The following ZNF804B variants were observed in gnomAD, a reference collection of about 807,000 sequenced individuals.
ZNF804B encodes the protein zinc finger 804B.
Under a neutral mutation model 101.4 loss-of-function variants are expected in ZNF804B, and 80 were observed. That is an observed-to-expected ratio of 0.79 (90% CI 0.66 to 0.95). ZNF804B has a LOEUF of 0.95. ZNF804B is among the 40% of genes least tolerant of loss of function. The probability of loss-of-function intolerance (pLI) is 0.00; values close to 1 mark genes in which losing one functional copy is unlikely to be tolerated. For synonymous variants in ZNF804B, 622 were observed against 558.8 expected, an observed-to-expected ratio of 1.11 and a Z score of -1.59; for missense variants, 1,673 against 1,561.9, an observed-to-expected ratio of 1.07 and a Z score of -1.20.
Position 89,218,196 on chromosome 7 carries a change from T to G in ZNF804B, c.150T>G (p.Asp50Glu). ...EKKSTAKALE[D>E]VKANFYCELC... is the part of the protein sequence containing the mutation. ...AGTCCACAGCAAAGGCCCTGGAAGA[T>G]GTAAAGGCAAACTTTTACTGTGAAT... Residue 50 changes from aspartate (D) to glutamate (E), a missense_variant, in exon 2 of 4, where the codon GAT becomes GAG. Asp to Glu is a conservative substitution (Grantham distance 45). Transcript: ENST00000333190. 6.2e-7 allele frequency: 1 copy of G among 1,613,856 alleles called. No individual in the cohort carries two copies. The highest frequency in any genetic ancestry group is 8.5e-7 in the Non-Finnish European group (1 of 1,179,838).
At chr7:89,296,350 C>T (rs1790384072) in intron 2 of ZNF804B, among the ~76,000 whole-genome samples, 1 of 151,802 alleles carries the variant, frequency 6.6e-6, no homozygotes, top group Non-Finnish European at 1.5e-5. Context: ...TCTTTATTTT[C>T]ATATAATTTT....
chr7:88,967,611 T>TA (rs1233868946), intron 1 of ZNF804B, among the ~76,000 whole-genome samples: 2 of 63,090 alleles, frequency 3.2e-5, no homozygotes, highest in Non-Finnish European at 7.4e-5. Context: ...AGAACAATAG[T>TA]AAAACACCGT....
At chr7:89,025,513 A>T (rs546036647) in intron 1 of ZNF804B, among the ~76,000 whole-genome samples, 4 of 152,268 alleles carry the variant, frequency 2.6e-5, no homozygotes, top group Admixed American at 2.0e-4. Context: ...GTTATTTAGA[A>T]CAAACTTCCT....
At chr7:89,044,722 T>C (rs1789075264) in intron 1 of ZNF804B, among the ~76,000 whole-genome samples, 2 of 152,186 alleles carry the variant, frequency 1.3e-5, no homozygotes, top group Admixed American at 6.5e-5. Context: ...TGAGGAACTT[T>C]GAACTTCAGT....
intron 2 of ZNF804B, among the ~76,000 whole-genome samples, chr7:89,232,187 T>C (rs34867321): frequency 0.12 from 18,585 of 152,144 alleles, 1,223 homozygotes; most frequent in Middle Eastern, 0.25. Context: ...CTGAGATGAA[T>C]GCGTGGTGCT....
intron 2 of ZNF804B, among the ~76,000 whole-genome samples, chr7:89,245,457 T>G (rs1416311636): frequency 1.3e-5 from 2 of 152,154 alleles, no homozygotes; most frequent in Non-Finnish European, 2.9e-5. Context: ...TATAGCCGTT[T>G]AAATAGCAGA....
chr7:89,179,031 T>C (rs1788250622), intron 1 of ZNF804B, among the ~76,000 whole-genome samples: 1 of 152,174 alleles, frequency 6.6e-6, no homozygotes, highest in Admixed American at 6.5e-5. Context: ...AAGTCTGTTG[T>C]CAGATATTTT....
At chr7:89,131,761 A>T (rs1790550644) in intron 1 of ZNF804B, among the ~76,000 whole-genome samples, 1 of 152,024 alleles carries the variant, frequency 6.6e-6, no homozygotes, top group African/African-American at 2.4e-5. Flanking sequence ...GTGGTCAGAC[A>T]TTAGAAAACT....
intron 1 of ZNF804B, among the ~76,000 whole-genome samples, chr7:88,911,322 T>A (rs1792547648): frequency 6.6e-6 from 1 of 151,612 alleles, no homozygotes; most frequent in Non-Finnish European, 1.5e-5. Context: ...GTTTCTTACA[T>A]CTCTTGCCTC....
intron 1 of ZNF804B, among the ~76,000 whole-genome samples, chr7:88,898,285 A>G (rs1216162086): frequency 6.6e-6 from 1 of 151,306 alleles, no homozygotes; most frequent in Non-Finnish European, 1.5e-5. Context: ...ACGGGGTTTC[A>G]CCCTGTTCGC....
intron 1 of ZNF804B, among the ~76,000 whole-genome samples, chr7:88,963,802 C>T (rs1180045453): frequency 6.6e-6 from 1 of 151,140 alleles, no homozygotes; most frequent in African/African-American, 2.4e-5. Context: ...AACAATATAT[C>T]AAGGACTTCT....
intron 1 of ZNF804B, among the ~76,000 whole-genome samples, chr7:88,854,418 T>TCTTTCTTTCTTCCTTCCTTTCTTTCTTC (rs1554340159): frequency 1.2e-5 from 1 of 85,178 alleles, no homozygotes; most frequent in African/African-American, 4.4e-5. Context: ...TTTCTTCCTT[T>TCTTTCTTTCTTCCTTCCTTTCTTTCTTC]CTTTCTTTCT....
chr7:88,898,858 A>T (rs983953609), intron 1 of ZNF804B, among the ~76,000 whole-genome samples: 1 of 152,164 alleles, frequency 6.6e-6, no homozygotes, highest in Non-Finnish European at 1.5e-5. Flanking sequence ...TCAGGGTGAT[A>T]GCTTCACTGG....
At chr7:89,157,808 G>C (rs1790999394) in intron 1 of ZNF804B, among the ~76,000 whole-genome samples, 1 of 152,082 alleles carries the variant, frequency 6.6e-6, no homozygotes, top group African/African-American at 2.4e-5. Context: ...ACCTGTACTA[G>C]AATTCTCTGC....
intron 2 of ZNF804B, among the ~76,000 whole-genome samples, chr7:89,224,055 A>G (rs1789043801): frequency 6.6e-6 from 1 of 151,992 alleles, no homozygotes; most frequent in Non-Finnish European, 1.5e-5. Flanking sequence ...CTGCAAATGT[A>G]TTACTGGGAT....
At chr7:88,905,683 A>G (rs556029625) in intron 1 of ZNF804B, among the ~76,000 whole-genome samples, 1 of 151,966 alleles carries the variant, frequency 6.6e-6, no homozygotes, top group Admixed American at 6.5e-5. Flanking sequence ...TTTGATAAGT[A>G]TTTTTGCATC....
chr7:89,097,211 G>C (rs956798130), intron 1 of ZNF804B, among the ~76,000 whole-genome samples: 18 of 152,284 alleles, frequency 1.2e-4, no homozygotes, highest in African/African-American at 4.3e-4. Flanking sequence ...GAACTGTTGT[G>C]ACTACTTCAG....
intron 2 of ZNF804B, among the ~76,000 whole-genome samples, chr7:89,264,349 A>T (rs1225315048): frequency 6.6e-6 from 1 of 152,200 alleles, no homozygotes; most frequent in African/African-American, 2.4e-5. Context: ...CAGCCAGCAC[A>T]CACCGTCCTG....
At chr7:88,807,295 GAT>G (rs1790706345) in intron 1 of ZNF804B, among the ~76,000 whole-genome samples, 1 of 151,890 alleles carries the variant, frequency 6.6e-6, no homozygotes, top group African/African-American at 2.4e-5. Context: ...TTAATAATAA[GAT>G]ATAAAGGTGA....
Sources: allele counts gnomAD v4.1 joint callset (sites outside exome capture counted in the v4.1 genomes callset), GRCh38; gene constraint gnomAD v4.1.1; transcripts MANE v1.5; gene names NCBI Gene and HGNC (gene_info 2026-07-23, HGNC 2026-07-21).